CNBD1: variants seen among roughly 807,000 people sequenced by gnomAD.
The protein encoded by CNBD1 is cyclic nucleotide binding domain containing 1.
A neutral mutation model predicts 54.4 loss-of-function variants in CNBD1; 71 were observed. The ratio of observed to expected loss-of-function variants is 1.30; its 90% CI spans 1.08 to 1.59. The LOEUF (loss-of-function observed/expected upper bound fraction) is 1.59. Ranked by LOEUF, CNBD1 falls within the 40% of genes most tolerant of loss-of-function variation. CNBD1 has a pLI of 0.00. For synonymous variants in CNBD1, 182 were observed against 170.7 expected, an observed-to-expected ratio of 1.07 and a Z score of -0.51; for missense variants, 659 against 518.0, an observed-to-expected ratio of 1.27 and a Z score of -2.64.
intron 4 of CNBD1, among the ~76,000 whole-genome samples, chr8:86,956,668 C>T (rs537427962): frequency 3.3e-5 from 5 of 152,120 alleles, no homozygotes; most frequent in Non-Finnish European, 7.4e-5. Flanking sequence ...GTGATTTTTG[C>T]ACATTGATTT....
At chr8:87,336,584 TAGC>T (rs1809948741) in intron 8 of CNBD1, among the ~76,000 whole-genome samples, 1 of 152,164 alleles carries the variant, frequency 6.6e-6, no homozygotes, top group Non-Finnish European at 1.5e-5. Flanking sequence ...TAATTCCAGT[TAGC>T]AGCTCCTCTA....
intron 2 of CNBD1, among the ~76,000 whole-genome samples, chr8:87,408,286 T>C (rs1246477498): frequency 1.3e-5 from 2 of 152,052 alleles, no homozygotes; most frequent in Non-Finnish European, 1.5e-5. Flanking sequence ...TATTTTCTTC[T>C]TATGCTTCAA....
At chr8:87,299,912 C>T (rs1161524886) in intron 8 of CNBD1, among the ~76,000 whole-genome samples, 3 of 152,094 alleles carry the variant, frequency 2.0e-5, no homozygotes, top group African/African-American at 4.8e-5. Context: ...GTTCTTTTCT[C>T]CTTCCACATA....
At position 86,869,493 on chromosome 8, in the gene CNBD1, G is replaced by A. The variant is rs138156218; in HGVS notation, c.88+2910G>A. Among the ~76,000 whole-genome samples, 1,175 of 152,270 alleles carry A rather than the reference G, an allele frequency of 7.7e-3. 8 individuals are homozygous for A. The highest frequency in any genetic ancestry group is 0.023 in the African/African-American group (963 of 41,542). ...AACCCTCCTCCACTGCTATCTTGTTGACTCTGAAATTCAGACTCAGACACT... is the reference window on the plus strand; with the variant it reads ...AACCCTCCTCCACTGCTATCTTGTTAACTCTGAAATTCAGACTCAGACACT... On this transcript the variant is annotated intron_variant, in intron 1 of 10. Coordinates refer to ENST00000518476, the MANE Select transcript of CNBD1 (RefSeq NM_173538.3).
At chr8:86,888,121 T>G (rs896162611) in intron 2 of CNBD1, among the ~76,000 whole-genome samples, 12 of 152,302 alleles carry the variant, frequency 7.9e-5, no homozygotes, top group African/African-American at 2.9e-4. Context: ...TCCTTCCATA[T>G]GCATCAGTGT....
intron 2 of CNBD1, among the ~76,000 whole-genome samples, chr8:87,389,194 A>G (rs991938578): frequency 9.2e-5 from 14 of 152,216 alleles, no homozygotes; most frequent in African/African-American, 3.4e-4. Flanking sequence ...CTGGCACAAG[A>G]CAGGGATGCC....
intron 2 of CNBD1, among the ~76,000 whole-genome samples, chr8:87,420,336 A>C (rs988822243): frequency 3.3e-5 from 5 of 152,036 alleles, no homozygotes; most frequent in Non-Finnish European, 1.5e-5. Flanking sequence ...GATCGATTTG[A>C]CATTACTTTT....
chr8:86,938,948 C>G (rs1809600570), intron 3 of CNBD1, among the ~76,000 whole-genome samples: 1 of 152,114 alleles, frequency 6.6e-6, no homozygotes, highest in African/African-American at 2.4e-5. Context: ...AAGATGTAAT[C>G]CAGATTCATT....
chr8:87,281,570 A>C (rs1585980953), intron 6 of CNBD1, among the ~76,000 whole-genome samples: 6 of 24,694 alleles, frequency 2.4e-4, no homozygotes, highest in African/African-American at 4.2e-4. Context: ...ATATATATAT[A>C]TATATATATA....
At chr8:86,971,537 C>G (rs1227666006) in intron 4 of CNBD1, among the ~76,000 whole-genome samples, 1 of 152,122 alleles carries the variant, frequency 6.6e-6, no homozygotes, top group Admixed American at 6.5e-5. Context: ...ACTGATGAGA[C>G]AATTTATTAC....
At chr8:87,332,177 G>A (rs928538700) in intron 8 of CNBD1, among the ~76,000 whole-genome samples, 19 of 152,126 alleles carry the variant, frequency 1.2e-4, no homozygotes, top group African/African-American at 3.4e-4. Context: ...GGGAAACCCC[G>A]TCTCTATTAA....
chr8:87,153,887 G>A (rs183375061), intron 4 of CNBD1, among the ~76,000 whole-genome samples: 4 of 152,270 alleles, frequency 2.6e-5, no homozygotes, highest in African/African-American at 9.6e-5. Flanking sequence ...AAGTAAGGTG[G>A]TTAAGTAAGC....
intron 2 of CNBD1, among the ~76,000 whole-genome samples, chr8:87,392,669 G>A (rs951836060): frequency 6.6e-6 from 1 of 151,954 alleles, no homozygotes; most frequent in African/African-American, 2.4e-5. Context: ...GAGGAATGAA[G>A]AGTGGCTACT....
At chr8:86,979,629 G>A (rs550389834) in intron 4 of CNBD1, among the ~76,000 whole-genome samples, 1 of 152,056 alleles carries the variant, frequency 6.6e-6, no homozygotes, top group Admixed American at 6.6e-5. Flanking sequence ...AATTCCAAAT[G>A]ATTTCTCTCA....
intron 3 of CNBD1, 73 bp downstream of exon 3, chr8:86,905,267 TC>T: frequency 1.2e-6 from 1 of 843,318 alleles, no homozygotes; most frequent in Non-Finnish European, 1.9e-6. Flanking sequence ...CAAGTTGAAC[TC>T]AAAACTGAAA....
At chr8:87,424,221 T>A (rs4317591) in intron 2 of CNBD1, among the ~76,000 whole-genome samples, 85,608 of 151,278 alleles carry the variant, frequency 0.57, 25,752 homozygotes, top group African/African-American at 0.77. Context: ...CCTTTCAAAA[T>A]ACCAGCTCCT....
At chr8:87,277,504 C>A (rs1479902430) in intron 6 of CNBD1, among the ~76,000 whole-genome samples, 1 of 151,684 alleles carries the variant, frequency 6.6e-6, no homozygotes, top group Non-Finnish European at 1.5e-5. Context: ...ATAAAATGAA[C>A]CATCACAGAA....
At chr8:87,100,288 A>C (rs1483837252) in intron 4 of CNBD1, among the ~76,000 whole-genome samples, 1 of 152,176 alleles carries the variant, frequency 6.6e-6, no homozygotes, top group Non-Finnish European at 1.5e-5. Flanking sequence ...TATCTAGATA[A>C]AATATTTTAA....
At chr8:87,124,145 T>G (rs994189494) in intron 4 of CNBD1, among the ~76,000 whole-genome samples, 4 of 151,714 alleles carry the variant, frequency 2.6e-5, no homozygotes, top group Non-Finnish European at 5.9e-5. Flanking sequence ...GGAATTACAC[T>G]GACAAAAAAG....
Sources: gnomAD v4.1 joint callset for allele counts (sites outside exome capture counted in the v4.1 genomes callset) on GRCh38, gnomAD v4.1.1 for gene constraint, MANE v1.5 for transcripts, NCBI Gene and HGNC (gene_info 2026-07-23, HGNC 2026-07-21) for gene names.